Variants in DPRX observed in about 807,000 individuals in gnomAD.
DPRX encodes divergent paired-related homeobox.
DPRX carries 11 observed loss-of-function variants against 8.4 expected under a neutral mutation model. The ratio of observed to expected loss-of-function variants is 1.31; its 90% CI spans 0.82 to 2.17. The LOEUF is 2.17. DPRX is among the 30% of genes most tolerant of loss of function. DPRX has a pLI of 0.00. For missense variants in DPRX, 211 were observed against 236.7 expected, an observed-to-expected ratio of 0.89 and a Z score of 0.71; for synonymous variants, 72 against 87.0, an observed-to-expected ratio of 0.83 and a Z score of 0.96.
chr19:53,617,058 T>C, the DPRX span: 7 of 1,266,626 alleles, frequency 5.5e-6, no homozygotes, highest in Middle Eastern at 1.9e-4. Flanking sequence ...AATATTATTA[T>C]GGAAGGACTT....
chr19:53,602,267 GGTGTGTGTGTGTGTGTGT>G, the DPRX span: 82 of 277,176 alleles, frequency 3.0e-4, no homozygotes, highest in South Asian at 6.1e-4. Flanking sequence ...TATGGGTATG[GGTGTGTGTGTGTGTGTGT>G]GTGTGTGTGT....
At chr19:53,624,079 CTTTTTTTTTT>C in the DPRX span, among the ~76,000 whole-genome samples, 168 of 93,284 alleles carry the variant, frequency 1.8e-3, no homozygotes, top group African/African-American at 6.7e-3. Flanking sequence ...ATTGTTGTAC[CTTTTTTTTTT>C]TTTTTTTTTT....
chr19:53,617,797 C>T, the DPRX span, among the ~76,000 whole-genome samples: 1 of 152,026 alleles, frequency 6.6e-6, no homozygotes, highest in South Asian at 2.1e-4. Flanking sequence ...GACCACATTG[C>T]TATACCAATG....
the DPRX span, among the ~76,000 whole-genome samples, chr19:53,619,724 A>G: frequency 6.6e-6 from 1 of 150,708 alleles, no homozygotes; most frequent in Non-Finnish European, 1.5e-5. Context: ...GCCTGGTGGC[A>G]GACGCCTGTG....
chr19:53,613,783 C>A, the DPRX span, among the ~76,000 whole-genome samples: 2 of 152,028 alleles, frequency 1.3e-5, no homozygotes, highest in Non-Finnish European at 2.9e-5. Flanking sequence ...GGAATTGGGA[C>A]AGAACATGGC....
chr19:53,618,141 T>C, the DPRX span, among the ~76,000 whole-genome samples: 1 of 108,924 alleles, frequency 9.2e-6, no homozygotes, highest in Admixed American at 9.0e-5. Flanking sequence ...AGACTCTGTT[T>C]CAAAAAAAAA....
At chr19:53,608,590 A>G in the DPRX span, 5 of 152,266 alleles carry the variant, frequency 3.3e-5, no homozygotes, top group African/African-American at 1.2e-4. Context: ...ACGTTTCCCA[A>G]TTAGATGGAA....
chr19:53,618,223 T>C, the DPRX span, among the ~76,000 whole-genome samples: 1 of 151,954 alleles, frequency 6.6e-6, no homozygotes, highest in Admixed American at 6.6e-5. Flanking sequence ...GTGATTATTT[T>C]TTACAACCCC....
At chr19:53,631,189 G>A (rs950363399), upstream of DPRX, among the ~76,000 whole-genome samples, 27 of 151,620 alleles carry the variant, frequency 1.8e-4, no homozygotes, top group Non-Finnish European at 5.9e-5. Flanking sequence ...TACTGGGAAG[G>A]CTGAGGCAGG....
In DPRX at chr19:53,632,239, G is replaced by A. The variant is rs1156454609; in HGVS notation, c.28+105G>A. On this transcript the variant is annotated intron_variant, in intron 1 of 2. Coordinates refer to ENST00000376650, the Ensembl canonical transcript of DPRX. ...ACCAGGCGGCCGAAGCTGGTGCTTC[G>A]TCCACGTGGGTGGCAGGGACTTCCC... is the stretch of plus-strand genomic sequence containing the variant. 6 of 1,450,850 alleles carry A rather than the reference G, an allele frequency of 4.1e-6. No homozygotes were observed. In the African/African-American group the frequency reaches 5.6e-5, roughly 14 times the overall value. The allele number at this position is 1,450,850 out of a possible 1,614,324, so 89.9% of individuals were successfully genotyped here. A position where few individuals can be genotyped will look rare whatever the true frequency, so the allele number is the denominator to read the frequency against.
At chr19:53,616,773 G>A in the DPRX span, 11 of 1,518,486 alleles carry the variant, frequency 7.2e-6, no homozygotes, top group Non-Finnish European at 9.9e-6. Context: ...AGAAAAAATA[G>A]AGGCCGAGAA....
exon 1 of DPRX, chr19:53,632,122 G>A: frequency 6.2e-7 from 1 of 1,614,000 alleles, no homozygotes; most frequent in Non-Finnish European, 8.5e-7. Context: ...AGGCTCAGAG[G>A]ATCTTCGTAA....
chr19:53,611,395 G>C, the DPRX span, among the ~76,000 whole-genome samples: 1 of 151,882 alleles, frequency 6.6e-6, no homozygotes, highest in Non-Finnish European at 1.5e-5. Context: ...ACCACACCCA[G>C]ATAATTTTTG....
the DPRX span, chr19:53,602,267 GGTGT>G: frequency 0.024 from 6,619 of 276,618 alleles, 88 homozygotes; most frequent in African/African-American, 0.066. Context: ...TATGGGTATG[GGTGT>G]GTGTGTGTGT....
the DPRX span, among the ~76,000 whole-genome samples, chr19:53,622,896 G>A: frequency 6.6e-6 from 1 of 152,162 alleles, no homozygotes; most frequent in East Asian, 1.9e-4. Context: ...TAACTACTAG[G>A]GTCACAGCCC....
At chr19:53,606,485 G>C in the DPRX span, 1 of 152,394 alleles carries the variant, frequency 6.6e-6, no homozygotes, top group Non-Finnish European at 1.5e-5. The surrounding 1 kb of genome is among the most constrained non-coding windows in gnomAD (Gnocchi z 4.8). Context: ...TATCTGATGG[G>C]GGCCCATCCA....
the DPRX span, chr19:53,602,267 G>GGTGTGTGTGTGTGTGT: frequency 1.1e-5 from 3 of 277,306 alleles, no homozygotes; most frequent in Admixed American, 4.3e-5. Context: ...TATGGGTATG[G>GGTGTGTGTGTGTGTGT]GTGTGTGTGT....
the DPRX span, among the ~76,000 whole-genome samples, chr19:53,618,058 C>T: frequency 4.0e-5 from 6 of 151,264 alleles, no homozygotes; most frequent in African/African-American, 7.3e-5. Context: ...AGGAGAATCA[C>T]GTGAACCTGG....
chr19:53,616,954 G>C, the DPRX span: 2 of 1,276,948 alleles, frequency 1.6e-6, no homozygotes, highest in Admixed American at 1.7e-5. Flanking sequence ...AATCGTTTAT[G>C]ATGTTACGGT....
Sources: allele counts gnomAD v4.1 joint callset (sites outside exome capture counted in the v4.1 genomes callset), GRCh38; gene constraint gnomAD v4.1.1; non-coding constraint Gnocchi (gnomAD v3.1); transcripts MANE v1.5; gene names NCBI Gene and HGNC (gene_info 2026-07-23, HGNC 2026-07-21).